Variants in ADAMTS12 observed in about 807,000 individuals in gnomAD.
ADAMTS12 encodes the protein A disintegrin and metalloproteinase with thrombospondin motifs 12.
In ADAMTS12, 118 loss-of-function variants were observed where a neutral mutation model predicts 167.8. That is an observed-to-expected ratio of 0.70 (90% CI 0.61 to 0.82). The LOEUF is 0.82. Ranked by LOEUF, ADAMTS12 falls within the 40% of genes least tolerant of loss-of-function variation. The pLI, the probability that ADAMTS12 is intolerant of heterozygous loss-of-function variation, is 0.00. For synonymous variants in ADAMTS12, 704 were observed against 716.9 expected (o/e 0.98, Z 0.29); for missense variants, 1,916 against 1,998.8 (o/e 0.96, Z 0.79).
In ADAMTS12 at chr5:33,615,889, C is replaced by A. The variant is rs1156403643; in HGVS notation, c.2327G>T (p.Arg776Met). ...KLAGTVFQYD[R>M]KGDLEKLMAT... ...CATCAGCTTTTCCAGGTCTCCTTTCCTGTCATACTGAAAGACAGTCCCTGC... is the reference window on the plus strand; with the variant it reads ...CATCAGCTTTTCCAGGTCTCCTTTCATGTCATACTGAAAGACAGTCCCTGC... Residue 776 changes from arginine to methionine, a missense_variant, in exon 15 of 24, where the codon AGG becomes ATG. Arg to Met is a moderately conservative substitution (Grantham distance 91). Transcript: ENST00000504830. 1 of 1,614,002 alleles carries A rather than the reference C, an allele frequency of 6.2e-7. No homozygotes were observed. The highest frequency in any genetic ancestry group is 8.5e-7 in the Non-Finnish European group (1 of 1,180,020).
At chr5:33,540,072 A>G (rs1744614920) in intron 22 of ADAMTS12, among the ~76,000 whole-genome samples, 1 of 152,214 alleles carries the variant, frequency 6.6e-6, no homozygotes, top group East Asian at 1.9e-4. Flanking sequence ...GCCATGACAG[A>G]CTGTACCTGG....
intron 22 of ADAMTS12, among the ~76,000 whole-genome samples, chr5:33,542,895 C>A (rs1744776729): frequency 6.6e-6 from 1 of 152,054 alleles, no homozygotes; most frequent in Non-Finnish European, 1.5e-5. Flanking sequence ...ACACTAAATG[C>A]CCACAAGAGA....
chr5:33,759,115 A>C (rs770838576), intron 2 of ADAMTS12, among the ~76,000 whole-genome samples: 7 of 152,218 alleles, frequency 4.6e-5, no homozygotes, highest in Non-Finnish European at 1.0e-4. Flanking sequence ...CGAGGCTTCT[A>C]ATCAAGCCTC....
intron 3 of ADAMTS12, among the ~76,000 whole-genome samples, chr5:33,721,099 A>G (rs1035205029): frequency 2.6e-5 from 4 of 152,236 alleles, no homozygotes; most frequent in African/African-American, 9.6e-5. Flanking sequence ...ATGTAATGTG[A>G]CAGAAAAAAG....
intron 5 of ADAMTS12, 107 bp from the exon 6 acceptor site, chr5:33,662,147 T>C: frequency 1.4e-6 from 2 of 1,432,322 alleles, no homozygotes; most frequent in Non-Finnish European, 1.9e-6. Flanking sequence ...GAATTCAGGG[T>C]GGGTGCATCA....
chr5:33,756,705 G>A (rs1745180933), intron 2 of ADAMTS12, among the ~76,000 whole-genome samples: 1 of 152,122 alleles, frequency 6.6e-6, no homozygotes, highest in African/African-American at 2.4e-5. Context: ...ATATGAGTCT[G>A]GGCAGCCCTA....
At chr5:33,835,817 T>C (rs1748484698) in intron 2 of ADAMTS12, among the ~76,000 whole-genome samples, 1 of 152,018 alleles carries the variant, frequency 6.6e-6, no homozygotes, top group South Asian at 2.1e-4. Flanking sequence ...AGAAATGAAA[T>C]ATATGCAAGG....
chr5:33,672,028 TAC>T (rs1741717093), intron 5 of ADAMTS12, among the ~76,000 whole-genome samples: 1 of 123,500 alleles, frequency 8.1e-6, no homozygotes, highest in Non-Finnish European at 1.7e-5. Context: ...TCCACATACA[TAC>T]ACACACCCAC....
At chr5:33,737,571 A>T (rs565410578) in intron 3 of ADAMTS12, among the ~76,000 whole-genome samples, 1 of 152,300 alleles carries the variant, frequency 6.6e-6, no homozygotes, top group East Asian at 1.9e-4. Flanking sequence ...ATGTTGTGTT[A>T]TATGTATTTT....
At chr5:33,745,443 C>T (rs1579899007) in intron 3 of ADAMTS12, among the ~76,000 whole-genome samples, 1 of 152,196 alleles carries the variant, frequency 6.6e-6, no homozygotes, top group East Asian at 1.9e-4. Context: ...TCAGGTGAAA[C>T]TGATCCTTTG....
rs529765012 is a variant in ADAMTS12, at chr5:33,609,433, G to A, written c.2527+4805C>T. On this transcript the variant is annotated intron_variant, in intron 16 of 23. Transcript: ENST00000504830. The stretch of plus-strand genomic sequence containing the variant: ...TTGCCCAGGCTGGAGTGCAGTGGCA[G>A]GATCTTGGCTCACTGCAGCCTCAAC... Among the ~76,000 whole-genome samples, 37 of 150,554 alleles carry A rather than the reference G, an allele frequency of 2.5e-4. 1 individual carries two copies. The highest frequency in any genetic ancestry group is 8.3e-4 in the African/African-American group (34 of 40,940).
In ADAMTS12 at chr5:33,795,153, A is replaced by G. The variant is rs150663060; in HGVS notation, c.490-43605T>C. Among the ~76,000 whole-genome samples, 9 of 152,348 alleles carry G rather than the reference A, an allele frequency of 5.9e-5. No homozygotes were observed. The East Asian group carries it at 1.7e-3, about 29-fold the overall frequency. The stretch of plus-strand genomic sequence containing the variant: ...TCTCTATAGTTCTGGCTGTAAAAGC[A>G]TCACAGGACCCATGGGCTGAAAGAT... On this transcript the variant is annotated intron_variant, in intron 2 of 23. Transcript: ENST00000504830.
At chr5:33,860,832 T>C (rs1749581493) in intron 2 of ADAMTS12, among the ~76,000 whole-genome samples, 1 of 152,142 alleles carries the variant, frequency 6.6e-6, no homozygotes, top group Non-Finnish European at 1.5e-5. Flanking sequence ...TAACAGTGGA[T>C]CTCTCTGCAG....
chr5:33,549,510 C>T, intron 20 of ADAMTS12, 127 bp from the exon 21 acceptor site: 1 of 1,124,384 alleles, frequency 8.9e-7, no homozygotes, highest in South Asian at 1.5e-5. Flanking sequence ...TCCGGTGAAC[C>T]CTGCTTTCCC....
At chr5:33,756,651 T>A (rs1319399328) in intron 2 of ADAMTS12, among the ~76,000 whole-genome samples, 5 of 152,040 alleles carry the variant, frequency 3.3e-5, no homozygotes, top group African/African-American at 1.2e-4. Flanking sequence ...ATGAAGCCAA[T>A]GAAGAGAGTG....
At chr5:33,640,659 TA>T (rs1428557343) in intron 11 of ADAMTS12, among the ~76,000 whole-genome samples, 1 of 152,094 alleles carries the variant, frequency 6.6e-6, no homozygotes, top group Non-Finnish European at 1.5e-5. Flanking sequence ...AATTTTAAAA[TA>T]ATTTTGTGAA....
intron 2 of ADAMTS12, among the ~76,000 whole-genome samples, chr5:33,766,301 GTTC>G (rs1433866080): frequency 2.6e-5 from 4 of 152,130 alleles, no homozygotes; most frequent in Non-Finnish European, 5.9e-5. Context: ...TCTCTGCTGT[GTTC>G]TTCTCCAAAA....
chr5:33,859,076 TG>T (rs928241163), intron 2 of ADAMTS12, among the ~76,000 whole-genome samples: 110 of 152,208 alleles, frequency 7.2e-4, no homozygotes, highest in African/African-American at 2.5e-3. Flanking sequence ...AGCGCAAAAC[TG>T]GGTGGCGGTT....
chr5:33,883,907 G>A (rs1750548003), intron 1 of ADAMTS12, among the ~76,000 whole-genome samples: 1 of 152,200 alleles, frequency 6.6e-6, no homozygotes, highest in African/African-American at 2.4e-5. Flanking sequence ...CTACCAAAGA[G>A]AGAAACTGTG....
Sources: gnomAD v4.1 joint callset for allele counts (sites outside exome capture counted in the v4.1 genomes callset) on GRCh38, gnomAD v4.1.1 for gene constraint, MANE v1.5 for transcripts, NCBI Gene and HGNC (gene_info 2026-07-23, HGNC 2026-07-21) for gene names.